The following TPCN1 variants were observed in gnomAD, a reference collection of about 807,000 sequenced individuals.
TPCN1 encodes the protein two pore channel protein 1.
In TPCN1, 52 loss-of-function variants were observed where a neutral mutation model predicts 108.8. That is an observed-to-expected ratio of 0.48 (90% CI 0.38 to 0.60). TPCN1 has a LOEUF of 0.60. Ranked by LOEUF, TPCN1 falls within the 20% of genes least tolerant of loss-of-function variation. The pLI is 0.00. For missense variants in TPCN1, 806 were observed against 1,072.8 expected, an observed-to-expected ratio of 0.75 and a Z score of 3.47; for synonymous variants, 446 against 433.7, an observed-to-expected ratio of 1.03 and a Z score of -0.35.
In TPCN1 at chr12:113,288,272, G is replaced by A; in HGVS notation, c.1706+38G>A. 2 of 1,612,902 alleles carry A rather than the reference G, an allele frequency of 1.2e-6. No individual in the cohort carries two copies. Among genetic ancestry groups the A allele is most frequent in the Non-Finnish European group, 1.7e-6 (2 of 1,179,682 alleles). On this transcript the variant is annotated intron_variant, in intron 20 of 27. Coordinates refer to ENST00000335509, the MANE Select transcript of TPCN1 (RefSeq NM_017901.6). This position sits in a 1 kb window ranked among gnomAD's most constrained non-coding sequence, Gnocchi z 4.8. ...CCCACCCTGGCCTGCAGGTCCAGGT[G>A]CCGTGTGGCAGTGCCCCGTGGGGGC...
chr12:113,268,032 C>A lies in TPCN1; in HGVS notation c.528+76C>A. On this transcript the variant is annotated intron_variant, in intron 5 of 27. Coordinates refer to ENST00000335509, the MANE Select transcript of TPCN1 (RefSeq NM_017901.6). This position sits in a 1 kb window ranked among gnomAD's most constrained non-coding sequence, Gnocchi z 7.3. ...CACCTTCAAACCTGTCTCTTTGGTA[C>A]AATTCAGAATCCACCATGGGCCCAG... 9.3e-7 allele frequency: 1 copy of A among 1,071,946 alleles called. No individual in the cohort carries two copies. Among genetic ancestry groups the A allele is most frequent in the Non-Finnish European group, 1.4e-6 (1 of 712,266 alleles). 66.4% of individuals were successfully genotyped at this position (1,071,946 alleles called of 1,614,324 possible).
At chr12:113,286,089 C>T in intron 18 of TPCN1, 128 bp downstream of exon 18, 1 of 792,494 alleles carries the variant, frequency 1.3e-6, no homozygotes, top group Non-Finnish European at 2.1e-6. Context: ...TGGGCTGAGG[C>T]CTATGTCTCC....
chr12:113,293,368 A>G lies in TPCN1; in HGVS notation c.2334+19A>G. 2 of 1,612,158 alleles carry G rather than the reference A, an allele frequency of 1.2e-6. No homozygotes were observed. Among genetic ancestry groups the G allele is most frequent in the Non-Finnish European group, 1.7e-6 (2 of 1,178,756 alleles). ...GATCCAGGTAGGAGCCTGGCCGACC[A>G]CGCTGCGAATCCTCCCCCAAGCTAT... On this transcript the variant is annotated intron_variant, in intron 27 of 27. Transcript: ENST00000335509.
At chr12:113,248,437 C>A (rs1296189163) in intron 2 of TPCN1, among the ~76,000 whole-genome samples, 2 of 152,222 alleles carry the variant, frequency 1.3e-5, no homozygotes, top group Non-Finnish European at 2.9e-5. Context: ...TAAACAGATA[C>A]CCTGTCAGGT....
chr12:113,239,813 T>C (rs983143313), intron 2 of TPCN1, among the ~76,000 whole-genome samples: 4 of 152,262 alleles, frequency 2.6e-5, no homozygotes, highest in Non-Finnish European at 4.4e-5. Context: ...ATTTGTAGAC[T>C]GCCTGTCTCT....
intron 2 of TPCN1, among the ~76,000 whole-genome samples, chr12:113,238,902 G>A (rs1443135960): frequency 1.3e-5 from 2 of 152,152 alleles, no homozygotes; most frequent in African/African-American, 2.4e-5. Flanking sequence ...AGACCAAGGC[G>A]AGAGGATCAC....
intron 17 of TPCN1, among the ~76,000 whole-genome samples, chr12:113,285,379 CTCT>C (rs1488083911): frequency 6.7e-6 from 1 of 149,312 alleles, no homozygotes. Flanking sequence ...GGATTTCTCT[CTCT>C]TTTTTTGGGG....
At chr12:113,294,672 A>G (rs867599028) in intron 27 of TPCN1, among the ~76,000 whole-genome samples, 1 of 150,624 alleles carries the variant, frequency 6.6e-6, no homozygotes, top group East Asian at 1.9e-4. Flanking sequence ...CTTTTTTTGC[A>G]TGACCTCCCA....
intron 2 of TPCN1, chr12:113,246,088 C>T (rs553133828): frequency 2.2e-6 from 1 of 453,972 alleles, no homozygotes; most frequent in African/African-American, 2.0e-5. Flanking sequence ...TCTGCCTGTC[C>T]TCTGCACCGG....
chr12:113,236,312 C>A (rs117922482), intron 2 of TPCN1, among the ~76,000 whole-genome samples: 1 of 152,154 alleles, frequency 6.6e-6, no homozygotes, highest in Non-Finnish European at 1.5e-5. Context: ...GTCTCCCACC[C>A]CCCGGCACCC....
chr12:113,291,977 C>G lies in TPCN1; in HGVS notation c.2113+19C>G. 2.5e-6 allele frequency: 4 copies of G among 1,609,866 alleles called. No individual in the cohort carries two copies. The highest frequency in any genetic ancestry group is 3.4e-6 in the Non-Finnish European group (4 of 1,176,174). On this transcript the variant is annotated intron_variant, in intron 25 of 27. Coordinates refer to ENST00000335509, the MANE Select transcript of TPCN1 (RefSeq NM_017901.6). ...TCGGAAGGTCTGTGCAGGGATGATG[C>G]CTTGGGCATTTGATATCTGCCGCCT...
At position 113,288,306 on chromosome 12, in the gene TPCN1, A is replaced by T; in HGVS notation, c.1706+72A>T. On this transcript the variant is annotated intron_variant, in intron 20 of 27. Transcript: ENST00000335509. The surrounding 1 kb of genome is among the most constrained non-coding windows in gnomAD (Gnocchi z 4.8). ...CAGTGCCCCGTGGGGGCGGGAGCCG[A>T]GTGGCAGTCGGGGGAAAGGAGTTCC... The T allele has an allele frequency of 1.9e-6, 3 of 1,603,696 alleles. No homozygotes were observed. The highest frequency in any genetic ancestry group is 4.5e-5 in the East Asian group (2 of 44,360).
chr12:113,266,376 A>C lies in TPCN1; in HGVS notation c.414+20A>C, dbSNP rs563653530. Reference sequence around the variant, plus strand: ...ATCTATGTGAGCGCACATGCTCCTCATACGGGGGGCTGGGAGCCACGGCTT... The same window carrying C: ...ATCTATGTGAGCGCACATGCTCCTCCTACGGGGGGCTGGGAGCCACGGCTT... On this transcript the variant is annotated intron_variant, in intron 4 of 27. Transcript: ENST00000335509. This position sits in a 1 kb window ranked among gnomAD's most constrained non-coding sequence, Gnocchi z 4.2. 6.3e-7 allele frequency: 1 copy of C among 1,599,946 alleles called. No homozygotes were observed. The highest frequency in any genetic ancestry group is 1.3e-5 in the African/African-American group (1 of 74,952).
intron 7 of TPCN1, among the ~76,000 whole-genome samples, chr12:113,270,638 A>C (rs1357615007): frequency 1.3e-5 from 2 of 151,464 alleles, no homozygotes; most frequent in African/African-American, 2.4e-5. Context: ...CCACCACCAC[A>C]CCCAGCTACT....
At chr12:113,276,897 G>T (rs201470322) in intron 10 of TPCN1, 22 bp from the exon 11 acceptor site, 2 of 1,564,284 alleles carry the variant, frequency 1.3e-6, no homozygotes, top group East Asian at 2.2e-5. Flanking sequence ...CTGAGCTAGG[G>T]CTCTGTGCTT....
At chr12:113,286,292 C>T (rs189289062) in intron 18 of TPCN1, among the ~76,000 whole-genome samples, 5 of 152,234 alleles carry the variant, frequency 3.3e-5, no homozygotes, top group Non-Finnish European at 7.3e-5. Flanking sequence ...TGCTCCCCCC[C>T]TTCCTTGATC....
At position 113,278,262 on chromosome 12, in the gene TPCN1, A is replaced by G. The variant is rs757093659; in HGVS notation, c.1233+25A>G. ...GGTGAGTTCTTCTCTGAGACCATAG[A>G]AGGAGTAGACAGAGAGGTCCCCACG... On this transcript the variant is annotated intron_variant, in intron 13 of 27. Coordinates refer to ENST00000335509, the MANE Select transcript of TPCN1 (RefSeq NM_017901.6). The G allele has an allele frequency of 9.9e-6, 16 of 1,611,034 alleles. No homozygotes were observed. The South Asian group carries it at 1.6e-4, about 17-fold the overall frequency.
At chr12:113,270,476 T>C (rs1194845503) in intron 7 of TPCN1, among the ~76,000 whole-genome samples, 3 of 150,790 alleles carry the variant, frequency 2.0e-5, no homozygotes, top group Non-Finnish European at 4.4e-5. Context: ...TTTTTGTTTG[T>C]TTTGTTTTGT....
At chr12:113,274,076 C>T (rs1301128525) in intron 10 of TPCN1, among the ~76,000 whole-genome samples, 1 of 152,194 alleles carries the variant, frequency 6.6e-6, no homozygotes, top group African/African-American at 2.4e-5. Context: ...TGCAGATAAC[C>T]TGTGTACATT....
Sources: allele counts gnomAD v4.1 joint callset (sites outside exome capture counted in the v4.1 genomes callset), GRCh38; gene constraint gnomAD v4.1.1; non-coding constraint Gnocchi (gnomAD v3.1); transcripts MANE v1.5; gene names NCBI Gene and HGNC (gene_info 2026-07-23, HGNC 2026-07-21).